SARNP: variants seen among roughly 807,000 people sequenced by gnomAD.
SARNP encodes SAP domain-containing ribonucleoprotein.
Under a neutral mutation model 38.1 loss-of-function variants are expected in SARNP, and 5 were observed. The ratio of observed to expected loss-of-function variants is 0.13; its 90% CI spans 0.07 to 0.28. The LOEUF (loss-of-function observed/expected upper bound fraction) is 0.28. Among genes scored for constraint, SARNP ranks in the 10% least tolerant of loss-of-function variants. The pLI is 1.00. For synonymous variants in SARNP, 84 were observed against 80.6 expected (o/e 1.04, Z -0.23); for missense variants, 180 against 243.9 (o/e 0.74, Z 1.75).
intron 7 of SARNP, among the ~76,000 whole-genome samples, chr12:55,792,272 G>A (rs982432731): frequency 1.3e-5 from 2 of 152,064 alleles, no homozygotes; most frequent in Non-Finnish European, 2.9e-5. Flanking sequence ...AGATCTCTGG[G>A]GGACATTTTC....
intron 8 of SARNP, among the ~76,000 whole-genome samples, chr12:55,790,335 C>T (rs1348519251): frequency 6.6e-6 from 1 of 152,134 alleles, no homozygotes; most frequent in African/African-American, 2.4e-5. Context: ...TTCTTACTTT[C>T]AAAAAGAGTG....
chr12:55,794,122 T>TC (rs2136197038), intron 7 of SARNP: 1 of 506,166 alleles, frequency 2.0e-6, no homozygotes, highest in East Asian at 3.7e-5. Flanking sequence ...TTGAAGATGT[T>TC]CAAGAAAAGA....
At chr12:55,775,555 CAAAA>C (rs56311724) in intron 9 of SARNP, among the ~76,000 whole-genome samples, 1 of 120,888 alleles carries the variant, frequency 8.3e-6, no homozygotes, top group Non-Finnish European at 1.8e-5. Flanking sequence ...AAAACAAAAA[CAAAA>C]AAAAAAAACT....
At chr12:55,793,919 A>C (rs1344404930) in intron 7 of SARNP, 2 of 171,774 alleles carry the variant, frequency 1.2e-5, no homozygotes, top group Non-Finnish European at 2.5e-5. Flanking sequence ...ATGCTGTGAT[A>C]ATCCCTGAGG....
At chr12:55,816,228 T>C (rs1565686039) in intron 1 of SARNP, among the ~76,000 whole-genome samples, 1 of 152,224 alleles carries the variant, frequency 6.6e-6, no homozygotes, top group Non-Finnish European at 1.5e-5. Context: ...AAGAAAATAT[T>C]AGCTCTTCTA....
At chr12:55,801,932 G>A (rs1879991881) in intron 2 of SARNP, among the ~76,000 whole-genome samples, 1 of 152,076 alleles carries the variant, frequency 6.6e-6, no homozygotes, top group African/African-American at 2.4e-5. Flanking sequence ...AGATATTTGT[G>A]CCTAAAATCA....
In SARNP at chr12:55,800,084, G is replaced by T. The variant is rs564466863; in HGVS notation, c.251+478C>A. ...CACACACCTATAATCCCAGCTACTC[G>T]GGAGGCTGAGGCAGGAGAATTGCTT... On this transcript the variant is annotated intron_variant, in intron 4 of 10. Coordinates refer to ENST00000336133, the MANE Select transcript of SARNP (RefSeq NM_033082.4). Among the ~76,000 whole-genome samples, 4 of 151,852 alleles carry T rather than the reference G, an allele frequency of 2.6e-5. No individual in the cohort carries two copies. The East Asian group carries it at 7.8e-4, about 30-fold the overall frequency.
At chr12:55,753,261 A>C (rs1244400997), downstream of SARNP, 1 of 152,252 alleles carries the variant, frequency 6.6e-6, no homozygotes, top group Non-Finnish European at 1.5e-5. Flanking sequence ...ATTCTCCTGC[A>C]GTCCCTGTTC....
chr12:55,754,581 C>T (rs1288905653), downstream of SARNP: 1 of 152,220 alleles, frequency 6.6e-6, no homozygotes, highest in African/African-American at 2.4e-5. Context: ...GGTGTATGCA[C>T]ACACAAACAT....
intron 8 of SARNP, 72 bp from the exon 9 acceptor site, chr12:55,789,215 G>C: frequency 9.5e-7 from 1 of 1,052,928 alleles, no homozygotes; most frequent in Non-Finnish European, 1.4e-6. Context: ...AGAAACTATA[G>C]TATGAAGCTA....
At position 55,760,322 on chromosome 12, in the gene SARNP, G is replaced by A. The variant is rs1232650450; in HGVS notation, c.591+229C>T. 7.7e-6 allele frequency: 4 copies of A among 522,558 alleles called. No homozygotes were observed. The East Asian group carries it at 1.2e-4, about 15-fold the overall frequency. The allele number at this position is 522,558 out of a possible 1,614,324, so 32.4% of individuals were successfully genotyped here. A position where few individuals can be genotyped will look rare whatever the true frequency, so the allele number is the denominator to read the frequency against. ...TTGAGACCAGCCTGAGCAACAGAAT[G>A]AGACCCCATCTCTACTTAAATAAAT... On this transcript the variant is annotated intron_variant, in intron 10 of 10. Transcript: ENST00000336133.
intron 9 of SARNP, among the ~76,000 whole-genome samples, chr12:55,772,423 T>C (rs1207880108): frequency 6.6e-6 from 1 of 152,126 alleles, no homozygotes; most frequent in Non-Finnish European, 1.5e-5. Context: ...AACCACTCAC[T>C]CACTAGGTTC....
chr12:55,781,015 A>G (rs920532242), intron 9 of SARNP, among the ~76,000 whole-genome samples: 4 of 152,244 alleles, frequency 2.6e-5, no homozygotes, highest in African/African-American at 7.2e-5. Context: ...CCACATCCCA[A>G]TGGCTAACCT....
At chr12:55,783,195 C>T (rs764456313) in intron 9 of SARNP, among the ~76,000 whole-genome samples, 3 of 151,334 alleles carry the variant, frequency 2.0e-5, no homozygotes, top group Non-Finnish European at 2.9e-5. Context: ...TCTTGGGAGG[C>T]ATGGGAAACA....
chr12:55,805,606 G>A (rs886826809), intron 1 of SARNP, among the ~76,000 whole-genome samples: 1 of 152,144 alleles, frequency 6.6e-6, no homozygotes, highest in African/African-American at 2.4e-5. Context: ...CAGCACTTTG[G>A]GGGGCCTAGG....
chr12:55,776,017 C>A (rs904148235), intron 9 of SARNP, among the ~76,000 whole-genome samples: 8 of 152,154 alleles, frequency 5.3e-5, no homozygotes, highest in African/African-American at 1.7e-4. Flanking sequence ...TTCCCCAACA[C>A]CACTTTATTT....
At chr12:55,802,941 C>T (rs1592579107) in intron 2 of SARNP, among the ~76,000 whole-genome samples, 1 of 141,616 alleles carries the variant, frequency 7.1e-6, no homozygotes. Flanking sequence ...AAAAAAAACA[C>T]AATACTTAGT....
At chr12:55,815,159 G>A (rs768257004) in intron 1 of SARNP, among the ~76,000 whole-genome samples, 3 of 152,136 alleles carry the variant, frequency 2.0e-5, no homozygotes, top group Admixed American at 6.5e-5. Flanking sequence ...CCAGGCTCAA[G>A]CAATCCTCCC....
At chr12:55,813,277 T>C (rs17118014) in intron 1 of SARNP, among the ~76,000 whole-genome samples, 2,968 of 152,260 alleles carry the variant, frequency 0.019, 51 homozygotes, top group African/African-American at 0.049. Flanking sequence ...ACACAGGGTC[T>C]TATGAAATTA....
Sources: gnomAD v4.1 joint callset for allele counts (sites outside exome capture counted in the v4.1 genomes callset) on GRCh38, gnomAD v4.1.1 for gene constraint, MANE v1.5 for transcripts, NCBI Gene and HGNC (gene_info 2026-07-23, HGNC 2026-07-21) for gene names.